The following PDE4B variants were observed in gnomAD, a reference collection of about 807,000 sequenced individuals.
The protein encoded by PDE4B is phosphodiesterase 4B.
PDE4B carries 20 observed loss-of-function variants against 82.2 expected under a neutral mutation model. The ratio of observed to expected loss-of-function variants is 0.24; its 90% CI spans 0.17 to 0.35. PDE4B has a LOEUF of 0.35. PDE4B is among the 10% of genes least tolerant of loss of function. The probability of loss-of-function intolerance (pLI) is 1.00; values close to 1 mark genes in which losing one functional copy is unlikely to be tolerated. For missense variants in PDE4B, 655 were observed against 907.2 expected (o/e 0.72, Z 3.57); for synonymous variants, 320 against 318.9 (o/e 1.00, Z -0.04).
intron 1 of PDE4B, among the ~76,000 whole-genome samples, chr1:65,802,530 G>C (rs1201068457): frequency 6.6e-6 from 1 of 152,108 alleles, no homozygotes; most frequent in Admixed American, 6.6e-5. Context: ...GAAATAGTTT[G>C]TTTGTGTTTT....
At chr1:65,801,380 A>T (rs761650330) in intron 1 of PDE4B, among the ~76,000 whole-genome samples, 24 of 152,210 alleles carry the variant, frequency 1.6e-4, no homozygotes, top group Non-Finnish European at 2.9e-4. Flanking sequence ...CCAGCAAAAT[A>T]CTTTTCCAAC....
At chr1:66,039,866 AGTT>A (rs56221237) in intron 3 of PDE4B, among the ~76,000 whole-genome samples, 65,081 of 151,658 alleles carry the variant, frequency 0.43, 15,339 homozygotes, top group Non-Finnish European at 0.54. Flanking sequence ...ATTGTTATGT[AGTT>A]GTATATAGGC....
chr1:66,128,834 AAACCCCTT>A, intron 3 of PDE4B, among the ~76,000 whole-genome samples: 1 of 152,306 alleles, frequency 6.6e-6, no homozygotes, highest in African/African-American at 2.4e-5. Context: ...GTGAAAGGGA[AAACCCCTT>A]ATAAAACCAT....
chr1:66,200,576 G>T (rs540788620), intron 3 of PDE4B, among the ~76,000 whole-genome samples: 126 of 152,190 alleles, frequency 8.3e-4, no homozygotes, highest in African/African-American at 2.9e-3. Flanking sequence ...CTTGTAAGTT[G>T]GATTCCTAGG....
At chr1:66,138,786 G>C (rs998573598) in intron 3 of PDE4B, among the ~76,000 whole-genome samples, 13 of 152,138 alleles carry the variant, frequency 8.5e-5, no homozygotes, top group African/African-American at 3.1e-4. Context: ...AAATCACCAA[G>C]CTGGACTTTG....
At chr1:66,128,760 A>G (rs1645874181) in intron 3 of PDE4B, among the ~76,000 whole-genome samples, 1 of 152,254 alleles carries the variant, frequency 6.6e-6, no homozygotes, top group South Asian at 2.1e-4. Flanking sequence ...AGGTCTCACA[A>G]TCATGGCAGA....
intron 1 of PDE4B, among the ~76,000 whole-genome samples, chr1:65,887,412 C>CTTTTTTTTTTTTTTTTT (rs1285765740): frequency 5.8e-4 from 4 of 6,920 alleles, no homozygotes; most frequent in African/African-American, 1.7e-3. Flanking sequence ...TCTTTTTCTT[C>CTTTTTTTTTTTTTTTTT]TGTTTTTTTT....
chr1:66,084,390 G>A (rs1436509920), intron 3 of PDE4B, among the ~76,000 whole-genome samples: 5 of 152,100 alleles, frequency 3.3e-5, no homozygotes, highest in Middle Eastern at 3.2e-3. Context: ...CTCCCCATGC[G>A]TTCTCATTAA....
At chr1:66,329,435 C>T (rs1659957143) in intron 7 of PDE4B, among the ~76,000 whole-genome samples, 1 of 152,168 alleles carries the variant, frequency 6.6e-6, no homozygotes, top group South Asian at 2.1e-4. Context: ...ATTTTAGTAT[C>T]TTTTATAGCA....
At chr1:66,202,748 C>T (rs960874630) in intron 3 of PDE4B, among the ~76,000 whole-genome samples, 14 of 152,136 alleles carry the variant, frequency 9.2e-5, no homozygotes, top group Admixed American at 3.3e-4. Context: ...TGTCTCGGCA[C>T]GTGAGATGGG....
intron 3 of PDE4B, among the ~76,000 whole-genome samples, chr1:66,150,858 C>G (rs1341233809): frequency 1.3e-5 from 2 of 152,022 alleles, no homozygotes; most frequent in Admixed American, 1.3e-4. Flanking sequence ...TATGTTAAAC[C>G]AACCTTGGAT....
chr1:66,014,957 C>CT (rs528256194), intron 3 of PDE4B, among the ~76,000 whole-genome samples: 9 of 152,176 alleles, frequency 5.9e-5, no homozygotes, highest in South Asian at 4.2e-4. Context: ...GGGGAATCTC[C>CT]TTTTTTTGCC....
chr1:65,794,858 G>A (rs547975819), intron 1 of PDE4B, among the ~76,000 whole-genome samples: 23 of 152,202 alleles, frequency 1.5e-4, no homozygotes, highest in Non-Finnish European at 2.5e-4. Flanking sequence ...TGTTACAGTT[G>A]GGAGCTAAAC....
chr1:66,263,086 A>C (rs1334226455), intron 6 of PDE4B, among the ~76,000 whole-genome samples: 1 of 152,234 alleles, frequency 6.6e-6, no homozygotes, highest in South Asian at 2.1e-4. Context: ...AGCAAATATT[A>C]TGCCAGATCC....
chr1:65,963,030 C>T (rs1209129431), intron 3 of PDE4B, among the ~76,000 whole-genome samples: 1 of 152,132 alleles, frequency 6.6e-6, no homozygotes, highest in Non-Finnish European at 1.5e-5. Flanking sequence ...GTTGTAAATA[C>T]TCTCACCATA....
chr1:66,153,687 G>T (rs1243345181), intron 3 of PDE4B, among the ~76,000 whole-genome samples: 1 of 152,176 alleles, frequency 6.6e-6, no homozygotes, highest in African/African-American at 2.4e-5. Flanking sequence ...TCAACCGTAG[G>T]TGTCCACAAG....
intron 1 of PDE4B, among the ~76,000 whole-genome samples, chr1:65,802,144 A>G (rs1465680164): frequency 2.0e-5 from 3 of 152,230 alleles, no homozygotes; most frequent in South Asian, 2.1e-4. Flanking sequence ...ATAATTTGAC[A>G]TACAATGCTA....
intron 3 of PDE4B, among the ~76,000 whole-genome samples, chr1:66,201,479 A>ATGGTAAG (rs1330854732): frequency 6.6e-6 from 1 of 151,062 alleles, no homozygotes; most frequent in African/African-American, 2.4e-5. Context: ...CTGGTCCTGG[A>ATGGTAAG]CTCTTTTTGG....
At chr1:65,980,103 C>G (rs1650609039) in intron 3 of PDE4B, among the ~76,000 whole-genome samples, 2 of 152,036 alleles carry the variant, frequency 1.3e-5, no homozygotes, top group Admixed American at 6.6e-5. Flanking sequence ...ACGGGTGCCA[C>G]AAATTCAACA....
Sources: gnomAD v4.1 joint callset for allele counts (sites outside exome capture counted in the v4.1 genomes callset) on GRCh38, gnomAD v4.1.1 for gene constraint, MANE v1.5 for transcripts, NCBI Gene and HGNC (gene_info 2026-07-23, HGNC 2026-07-21) for gene names.